Variants in ZNF385B observed in about 807,000 individuals in gnomAD.
The protein encoded by ZNF385B is zinc finger protein 533.
In ZNF385B, 23 loss-of-function variants were observed where a neutral mutation model predicts 39.2. The ratio of observed to expected loss-of-function variants is 0.59; its 90% CI spans 0.42 to 0.83. The LOEUF is 0.83. ZNF385B is among the 40% of genes least tolerant of loss of function. The pLI, the probability that ZNF385B is intolerant of heterozygous loss-of-function variation, is 0.00. For missense variants in ZNF385B, 552 were observed against 598.9 expected (o/e 0.92, Z 0.82); for synonymous variants, 205 against 222.6 (o/e 0.92, Z 0.70).
intron 3 of ZNF385B, among the ~76,000 whole-genome samples, chr2:179,648,609 C>G (rs1692948179): frequency 6.6e-6 from 1 of 152,084 alleles, no homozygotes. Flanking sequence ...TACAAACAAC[C>G]AGGACTTCTT....
chr2:179,472,764 C>G (rs560254314), intron 6 of ZNF385B, among the ~76,000 whole-genome samples: 16 of 152,274 alleles, frequency 1.1e-4, no homozygotes, highest in Admixed American at 3.3e-4. Context: ...TCATACCCCC[C>G]CTCCCTAGCC....
chr2:179,691,236 T>A (rs12622727), intron 3 of ZNF385B, among the ~76,000 whole-genome samples: 11,710 of 152,224 alleles, frequency 0.077, 612 homozygotes, highest in East Asian at 0.21. Flanking sequence ...TCAAACCCTA[T>A]GAAAACGAAC....
intron 5 of ZNF385B, among the ~76,000 whole-genome samples, chr2:179,505,776 G>C (rs1250771435): frequency 6.6e-6 from 1 of 152,032 alleles, no homozygotes; most frequent in African/African-American, 2.4e-5. Flanking sequence ...AGGGATGTGG[G>C]ACAGTTCACT....
At chr2:179,478,099 A>C (rs989497345) in intron 6 of ZNF385B, among the ~76,000 whole-genome samples, 1 of 152,230 alleles carries the variant, frequency 6.6e-6, no homozygotes, top group African/African-American at 2.4e-5. Flanking sequence ...CCAAGTTTCC[A>C]TCCTGACTCT....
intron 3 of ZNF385B, among the ~76,000 whole-genome samples, chr2:179,733,471 G>C (rs752367509): frequency 2.6e-5 from 4 of 152,086 alleles, no homozygotes; most frequent in Non-Finnish European, 4.4e-5. Context: ...TTCTCAAAGT[G>C]AGCCATGTGT....
intron 3 of ZNF385B, among the ~76,000 whole-genome samples, chr2:179,668,624 T>C (rs1366181538): frequency 0.1 from 77 of 750 alleles, 2 homozygotes; most frequent in East Asian, 0.5. Context: ...ACACCTTTCT[T>C]TTTTTTTTTT....
intron 3 of ZNF385B, among the ~76,000 whole-genome samples, chr2:179,687,944 C>T (rs1698050807): frequency 2.0e-5 from 3 of 152,148 alleles, no homozygotes; most frequent in African/African-American, 4.8e-5. Flanking sequence ...AATCATGGCT[C>T]TGTATTTCAA....
chr2:179,612,962 C>T (rs1574981040), intron 3 of ZNF385B, among the ~76,000 whole-genome samples: 1 of 152,198 alleles, frequency 6.6e-6, no homozygotes, highest in African/African-American at 2.4e-5. Flanking sequence ...AAAATCTTTC[C>T]CATTCTTCCT....
chr2:179,692,696 T>A (rs1475802375), intron 3 of ZNF385B, among the ~76,000 whole-genome samples: 1 of 152,222 alleles, frequency 6.6e-6, no homozygotes, highest in Non-Finnish European at 1.5e-5. Context: ...GTTTCTCATT[T>A]ACCTCTCCAA....
chr2:179,445,373 A>G (rs1228431604), intron 8 of ZNF385B, among the ~76,000 whole-genome samples, 177 bp downstream of exon 8: 1 of 152,220 alleles, frequency 6.6e-6, no homozygotes, highest in Non-Finnish European at 1.5e-5. Flanking sequence ...TAGATGCTCA[A>G]ATATTTCATA....
chr2:179,516,902 T>G (rs1340210565), intron 5 of ZNF385B, among the ~76,000 whole-genome samples: 1 of 150,200 alleles, frequency 6.7e-6, no homozygotes, highest in Non-Finnish European at 1.5e-5. Context: ...ATGATCCTAT[T>G]GAATTAATTT....
intron 3 of ZNF385B, among the ~76,000 whole-genome samples, chr2:179,638,422 TC>T (rs1166979354): frequency 1.3e-5 from 2 of 152,180 alleles, no homozygotes; most frequent in East Asian, 3.9e-4. Context: ...TTGGTAGCAG[TC>T]CCGGTGTAGC....
At chr2:179,592,479 G>C (rs1049901530) in intron 3 of ZNF385B, among the ~76,000 whole-genome samples, 1 of 152,154 alleles carries the variant, frequency 6.6e-6, no homozygotes, top group African/African-American at 2.4e-5. Flanking sequence ...AACTGAGAAT[G>C]AAAGCATGAC....
chr2:179,445,948 G>A (rs562039195), intron 7 of ZNF385B, among the ~76,000 whole-genome samples: 1 of 152,098 alleles, frequency 6.6e-6, no homozygotes, highest in South Asian at 2.1e-4. Context: ...AGGAAATAAA[G>A]ATGACTCATA....
chr2:179,474,302 C>T (rs941720001), intron 6 of ZNF385B, among the ~76,000 whole-genome samples: 8 of 151,878 alleles, frequency 5.3e-5, no homozygotes, highest in Admixed American at 2.0e-4. Flanking sequence ...ATGGACAGCC[C>T]GAGTGAGACT....
At chr2:179,588,543 A>G (rs1687288884) in intron 3 of ZNF385B, among the ~76,000 whole-genome samples, 2 of 152,036 alleles carry the variant, frequency 1.3e-5, no homozygotes, top group Non-Finnish European at 2.9e-5. Context: ...GAGTTCTGTC[A>G]CACTTACCCA....
intron 6 of ZNF385B, among the ~76,000 whole-genome samples, chr2:179,480,245 A>T (rs530801892): frequency 6.6e-6 from 1 of 152,298 alleles, no homozygotes; most frequent in East Asian, 1.9e-4. Flanking sequence ...TGAGATTTGC[A>T]AGTGAGCCAT....
intron 9 of ZNF385B, among the ~76,000 whole-genome samples, chr2:179,444,601 T>C (rs3828331): frequency 0.14 from 21,830 of 152,208 alleles, 1,668 homozygotes; most frequent in Non-Finnish European, 0.16. Flanking sequence ...GTCCTTGTTC[T>C]TGAGCCTTTA....
At chr2:179,535,215 G>A (rs1403336872) in intron 4 of ZNF385B, among the ~76,000 whole-genome samples, 2 of 152,108 alleles carry the variant, frequency 1.3e-5, no homozygotes, top group African/African-American at 4.8e-5. Flanking sequence ...CAGATCTTTA[G>A]TTGGCTCAAG....
Sources: allele counts gnomAD v4.1 joint callset (sites outside exome capture counted in the v4.1 genomes callset), GRCh38; gene constraint gnomAD v4.1.1; transcripts MANE v1.5; gene names NCBI Gene and HGNC (gene_info 2026-07-23, HGNC 2026-07-21).